The following TRMO variants were observed in gnomAD, a reference collection of about 807,000 sequenced individuals.
TRMO encodes the protein tRNA (adenine(37)-N6)-methyltransferase.
In TRMO, 30 loss-of-function variants were observed where a neutral mutation model predicts 37.2. The observed-to-expected ratio is 0.81, with a 90% CI of 0.60 to 1.09. TRMO has a LOEUF of 1.09. Ranked by LOEUF, TRMO falls within the 50% of genes least tolerant of loss-of-function variation. TRMO has a pLI of 0.00. For missense variants in TRMO, 552 were observed against 549.5 expected (o/e 1.00, Z -0.05); for synonymous variants, 239 against 199.4 (o/e 1.20, Z -1.67).
At chr9:97,919,808 C>T (rs1226049888) in intron 1 of TRMO, among the ~76,000 whole-genome samples, 2 of 152,144 alleles carry the variant, frequency 1.3e-5, no homozygotes, top group African/African-American at 2.4e-5. Context: ...TACTTCTATC[C>T]TCTTTGTGCA....
intron 4 of TRMO, among the ~76,000 whole-genome samples, chr9:97,909,279 G>A (rs1020315396): frequency 5.9e-5 from 9 of 152,228 alleles, no homozygotes; most frequent in Non-Finnish European, 1.0e-4. Context: ...TACTGGTATC[G>A]CTGTATCCAC....
At chr9:97,921,982 T>C (rs1249618893) in intron 1 of TRMO, among the ~76,000 whole-genome samples, 1 of 152,172 alleles carries the variant, frequency 6.6e-6, no homozygotes, top group African/African-American at 2.4e-5. Context: ...TCATGCCTTG[T>C]CTTTCTAGGC....
intron 1 of TRMO, among the ~76,000 whole-genome samples, chr9:97,921,140 T>G (rs1307796829): frequency 3.3e-5 from 5 of 152,228 alleles, no homozygotes; most frequent in African/African-American, 9.6e-5. Context: ...TTTAACAAAG[T>G]TCAAACTTTA....
At chr9:97,902,650 A>T (rs1825705339), downstream of TRMO, among the ~76,000 whole-genome samples, 1 of 152,168 alleles carries the variant, frequency 6.6e-6, no homozygotes. Context: ...ATAAAACCCC[A>T]AACAATTTAA....
chr9:97,909,609 T>A (rs1424310049), intron 4 of TRMO, among the ~76,000 whole-genome samples: 7 of 152,194 alleles, frequency 4.6e-5, no homozygotes, highest in Non-Finnish European at 8.8e-5. Flanking sequence ...AAGAAAACTT[T>A]ATGTACATAA....
At chr9:97,908,207 T>G (rs995653595) in intron 4 of TRMO, among the ~76,000 whole-genome samples, 18 of 152,190 alleles carry the variant, frequency 1.2e-4, no homozygotes, top group South Asian at 2.1e-4. Context: ...GGTCAGGAGA[T>G]CGAGACCATC....
At chr9:97,915,414 A>G (rs1373097290) in intron 2 of TRMO, among the ~76,000 whole-genome samples, 1 of 152,230 alleles carries the variant, frequency 6.6e-6, no homozygotes, top group Non-Finnish European at 1.5e-5. Flanking sequence ...AAGCAGCCAC[A>G]AACAATACTT....
intron 3 of TRMO, 144 bp downstream of exon 3, chr9:97,913,257 T>C (rs955425304): frequency 1.3e-5 from 12 of 922,238 alleles, no homozygotes; most frequent in Middle Eastern, 2.2e-4. Context: ...CTTTTAATCA[T>C]TGTATTTTCT....
intron 3 of TRMO, 144 bp from the exon 4 acceptor site, chr9:97,910,760 C>G (rs1826088299): frequency 1.1e-6 from 1 of 910,694 alleles, no homozygotes; most frequent in East Asian, 2.6e-5. Flanking sequence ...CCAACACACA[C>G]CCTTCTTGCT....
At chr9:97,916,114 G>T in intron 2 of TRMO, 50 bp downstream of exon 2, 1 of 1,409,874 alleles carries the variant, frequency 7.1e-7, no homozygotes, top group Non-Finnish European at 9.7e-7. Context: ...TACTTTATTC[G>T]GGGGCAAGTT....
downstream of TRMO, among the ~76,000 whole-genome samples, chr9:97,901,153 G>A (rs999395770): frequency 1.1e-4 from 17 of 152,188 alleles, no homozygotes; most frequent in African/African-American, 4.1e-4. Flanking sequence ...CCAAGCCAGT[G>A]AAATGGGAAT....
chr9:97,897,180 A>G, the TRMO span, among the ~76,000 whole-genome samples: 1 of 152,228 alleles, frequency 6.6e-6, no homozygotes, highest in African/African-American at 2.4e-5. Context: ...AAAAATAAAA[A>G]CAGTCTCTGA....
In TRMO at chr9:97,910,178, T is replaced by C; in HGVS notation, c.848A>G (p.Lys283Arg). The change falls in exon 4 of 5, where the codon AAA (lysine) becomes AGA (arginine). Residue 283 changes from lysine to arginine, a missense_variant. Transcript: ENST00000375119. Reference protein sequence around the residue: ...PYCPEKSFSEKGTDKKLERVE... With the variant: ...PYCPEKSFSERGTDKKLERVE... ...TCTTTCTAGCTTCTTGTCTGTACCT[T>C]TCTCTGAAAAGCTCTTCTCTGGGCA... is the stretch of plus-strand genomic sequence containing the variant. 1 of 1,614,212 alleles carries C rather than the reference T, an allele frequency of 6.2e-7. No individual in the cohort carries two copies. Among genetic ancestry groups the C allele is most frequent in the East Asian group, 2.2e-5 (1 of 44,890 alleles).
Position 97,916,171 on chromosome 9 carries a change from G to A in TRMO, c.244C>T (p.His82Tyr). 3 of 1,586,130 alleles carry A rather than the reference G, an allele frequency of 1.9e-6. No homozygotes were observed. Among genetic ancestry groups the A allele is most frequent in the Non-Finnish European group, 2.6e-6 (3 of 1,168,532 alleles). ...AACTATAAAGCAACTTACCAAACAT[G>A]AGAAAACTGTTCTAGGCCCATCAAG... ...HSLMGLEQFS[H>Y]VWILFVFHKN... Residue 82 changes from histidine to tyrosine, a missense_variant, in exon 2 of 5, where the codon CAT (histidine) becomes TAT (tyrosine). Coordinates refer to ENST00000375119, the MANE Select transcript of TRMO (RefSeq NM_016481.5).
At chr9:97,916,915 T>C (rs936234112) in intron 1 of TRMO, among the ~76,000 whole-genome samples, 3 of 150,618 alleles carry the variant, frequency 2.0e-5, no homozygotes, top group African/African-American at 4.9e-5. Context: ...GGTTTCACCA[T>C]ATTGGTCAGG....
the TRMO span, among the ~76,000 whole-genome samples, chr9:97,899,488 G>T: frequency 2.0e-5 from 3 of 151,272 alleles, no homozygotes; most frequent in Admixed American, 2.0e-4. Flanking sequence ...ACCCAGGCTG[G>T]AGTGCAGTGG....
downstream of TRMO, among the ~76,000 whole-genome samples, chr9:97,902,607 T>C (rs1317036688): frequency 2.0e-5 from 3 of 152,116 alleles, no homozygotes; most frequent in Admixed American, 6.5e-5. Flanking sequence ...CAGCCTAAAA[T>C]CCTTCTTAGC....
downstream of TRMO, among the ~76,000 whole-genome samples, chr9:97,901,316 T>A (rs1831165236): frequency 1.3e-5 from 2 of 152,150 alleles, no homozygotes; most frequent in Admixed American, 1.3e-4. Context: ...GTTGACACAA[T>A]CCCTTTTCCA....
At chr9:97,912,501 G>A (rs1364646842) in intron 3 of TRMO, 1 of 154,790 alleles carries the variant, frequency 6.5e-6, no homozygotes, top group Admixed American at 6.4e-5. Flanking sequence ...GAATTTTTCT[G>A]AGAAAACTAC....
Sources: allele counts gnomAD v4.1 joint callset (sites outside exome capture counted in the v4.1 genomes callset), GRCh38; gene constraint gnomAD v4.1.1; transcripts MANE v1.5; gene names NCBI Gene and HGNC (gene_info 2026-07-23, HGNC 2026-07-21).